The following ARHGAP18 variants were observed in gnomAD, a reference collection of about 807,000 sequenced individuals.
ARHGAP18 encodes the protein Rho GTPase activating protein 18, also known as rho GTPase-activating protein 18.
In ARHGAP18, 67 loss-of-function variants were observed where a neutral mutation model predicts 86.2. That is an observed-to-expected ratio of 0.78 (90% CI 0.64 to 0.95). The LOEUF (loss-of-function observed/expected upper bound fraction) is 0.95, where lower values mean the gene tolerates loss of function less well. Ranked by LOEUF, ARHGAP18 falls within the 40% of genes least tolerant of loss-of-function variation. The pLI, the probability that ARHGAP18 is intolerant of heterozygous loss-of-function variation, is 0.00. For synonymous variants in ARHGAP18, 283 were observed against 280.4 expected (o/e 1.01, Z -0.09); for missense variants, 691 against 780.4 (o/e 0.89, Z 1.37).
chr6:129,598,335 G>A (rs1788662115), intron 12 of ARHGAP18, among the ~76,000 whole-genome samples: 1 of 152,132 alleles, frequency 6.6e-6, no homozygotes, highest in Non-Finnish European at 1.5e-5. Context: ...ATAAATCTAA[G>A]AGAAAAACTT....
chr6:129,709,590 A>C (rs749538002), intron 1 of ARHGAP18, among the ~76,000 whole-genome samples: 89 of 152,354 alleles, frequency 5.8e-4, no homozygotes, highest in Middle Eastern at 3.4e-3. Context: ...ACACTCTAAC[A>C]ACAACAGCTT....
In ARHGAP18 at chr6:129,577,044, CA is replaced by C. The variant is rs1584013659; in HGVS notation, c.*1468del. 4 of 150,950 alleles carry C rather than the reference CA, an allele frequency of 2.6e-5. No homozygotes were observed. In the East Asian group the frequency reaches 7.8e-4, roughly 29 times the overall value. The allele number at this position is 150,950 out of a possible 1,614,324, so 9.4% of individuals were successfully genotyped here. ...TTTCTCAATATTAATAAAAAAAAAG[CA>C]AAAATACTCATAAACACATAGGATT... On this transcript the variant is annotated 3_prime_UTR_variant, in exon 15 of 15. Coordinates refer to ENST00000368149, the MANE Select transcript of ARHGAP18 (RefSeq NM_033515.3).
intron 1 of ARHGAP18, among the ~76,000 whole-genome samples, chr6:129,694,544 C>G (rs993938053): frequency 6.6e-6 from 1 of 152,218 alleles, no homozygotes; most frequent in African/African-American, 2.4e-5. Flanking sequence ...TACCAAGATA[C>G]TCAACCAGTT....
At chr6:129,609,099 T>C (rs1289525124) in intron 8 of ARHGAP18, among the ~76,000 whole-genome samples, 1 of 98,108 alleles carries the variant, frequency 1.0e-5, no homozygotes, top group African/African-American at 4.0e-5. Context: ...AGGGAAAGAA[T>C]GAGGGGGGAA....
At chr6:129,683,908 T>C (rs931456526) in intron 1 of ARHGAP18, among the ~76,000 whole-genome samples, 27 of 152,002 alleles carry the variant, frequency 1.8e-4, no homozygotes, top group Non-Finnish European at 2.8e-4. Flanking sequence ...AGAAAACACT[T>C]GGGAGAAAAT....
rs144708872 is a variant in ARHGAP18 at position 129,692,505 on chromosome 6, G to A, written c.113+17519C>T. On this transcript the variant is annotated intron_variant, in intron 1 of 14. Coordinates refer to ENST00000368149, the MANE Select transcript of ARHGAP18 (RefSeq NM_033515.3). Reference sequence around the variant, plus strand: ...GGTTAAACAGGCACAGAATTTTAGGGGATAAATATGAAAGCATACAGACAA... The same window carrying A: ...GGTTAAACAGGCACAGAATTTTAGGAGATAAATATGAAAGCATACAGACAA... 3.6e-3 allele frequency among the ~76,000 whole-genome samples: 545 copies of A among 152,224 alleles called. 2 individuals are homozygous for A. The highest frequency in any genetic ancestry group is 0.012 in the African/African-American group (510 of 41,530).
At chr6:129,692,004 C>T (rs892656644) in intron 1 of ARHGAP18, among the ~76,000 whole-genome samples, 1 of 152,236 alleles carries the variant, frequency 6.6e-6, no homozygotes, top group Non-Finnish European at 1.5e-5. Flanking sequence ...TTCCTCAGCA[C>T]TGACACAGCC....
chr6:129,610,235 C>T (rs947489064), intron 8 of ARHGAP18, among the ~76,000 whole-genome samples: 25 of 152,272 alleles, frequency 1.6e-4, no homozygotes, highest in Non-Finnish European at 2.2e-4. Context: ...AGTATGAGTC[C>T]CCTTTACATT....
At chr6:129,676,209 G>T (rs1774228358) in intron 1 of ARHGAP18, among the ~76,000 whole-genome samples, 1 of 152,188 alleles carries the variant, frequency 6.6e-6, no homozygotes, top group African/African-American at 2.4e-5. Context: ...TCCTTTAATA[G>T]ATGGGAAAGT....
intron 1 of ARHGAP18, among the ~76,000 whole-genome samples, chr6:129,689,281 T>C (rs1774484882): frequency 6.6e-6 from 1 of 152,162 alleles, no homozygotes; most frequent in South Asian, 2.1e-4. Flanking sequence ...TTTTTTTGGT[T>C]GCTTGGATGG....
intron 8 of ARHGAP18, 95 bp from the exon 9 acceptor site, chr6:129,608,147 A>G (rs1026101195): frequency 1.4e-6 from 2 of 1,389,226 alleles, no homozygotes; most frequent in African/African-American, 2.9e-5. Flanking sequence ...CACTTTCAAG[A>G]GACTCTGCTC....
At chr6:129,701,057 A>G (rs1024571342) in intron 1 of ARHGAP18, among the ~76,000 whole-genome samples, 16 of 152,120 alleles carry the variant, frequency 1.1e-4, no homozygotes, top group African/African-American at 3.9e-4. Flanking sequence ...ATCTGAGTAT[A>G]TAATAAAAAA....
intron 1 of ARHGAP18, among the ~76,000 whole-genome samples, chr6:129,696,864 T>A (rs1774625304): frequency 6.6e-6 from 1 of 152,136 alleles, no homozygotes; most frequent in South Asian, 2.1e-4. Context: ...TAGAATGACA[T>A]CTGGGTAGCT....
intron 4 of ARHGAP18, among the ~76,000 whole-genome samples, chr6:129,631,426 A>G (rs1348977253): frequency 2.6e-5 from 4 of 152,166 alleles, no homozygotes; most frequent in African/African-American, 7.2e-5. Flanking sequence ...AGTTCTAGTT[A>G]AAATAGAAAA....
chr6:129,696,651 TG>T (rs1774622311), intron 1 of ARHGAP18, among the ~76,000 whole-genome samples: 2 of 152,206 alleles, frequency 1.3e-5, no homozygotes, highest in Non-Finnish European at 2.9e-5. Flanking sequence ...GGCCCCTGCA[TG>T]AGGCATTTAT....
At chr6:129,709,970 C>T (rs1425489646) in intron 1 of ARHGAP18, 54 bp downstream of exon 1, 3 of 1,436,656 alleles carry the variant, frequency 2.1e-6, no homozygotes, top group Non-Finnish European at 9.8e-7. Flanking sequence ...CTGTCACTTT[C>T]TTCCTGGAGC....
intron 9 of ARHGAP18, among the ~76,000 whole-genome samples, chr6:129,606,377 C>A (rs1050223003): frequency 6.6e-6 from 1 of 152,092 alleles, no homozygotes; most frequent in African/African-American, 2.4e-5. Context: ...TGGTAAGAGT[C>A]CATCAGTTCC....
chr6:129,694,989 C>T (rs527463123), intron 1 of ARHGAP18, among the ~76,000 whole-genome samples: 2 of 152,268 alleles, frequency 1.3e-5, no homozygotes, highest in African/African-American at 2.4e-5. Flanking sequence ...TTAACAACTG[C>T]GACTATTACA....
rs751802275 is a variant in ARHGAP18, at chr6:129,616,256, G to C, written c.1000C>G (p.Gln334Glu). The change falls in exon 7 of 15, where the codon CAG (glutamine) becomes GAG (glutamate). Residue 334 changes from glutamine to glutamate, a missense_variant. Coordinates refer to ENST00000368149, the MANE Select transcript of ARHGAP18 (RefSeq NM_033515.3). ...ATTCGCATTCCTGGTACTTTCCTCTGATCTTGTTCTAATAGCGCTGTCAAT... is the reference window on the plus strand; with the variant it reads ...ATTCGCATTCCTGGTACTTTCCTCTCATCTTGTTCTAATAGCGCTGTCAAT... ...VPLTALLEQD[Q>E]RKVPGMRIPL... 2 of 1,611,458 alleles carry C rather than the reference G, an allele frequency of 1.2e-6. No homozygotes were observed. Among genetic ancestry groups the C allele is most frequent in the East Asian group, 4.5e-5 (2 of 44,808 alleles).
Sources: gnomAD v4.1 joint callset for allele counts (sites outside exome capture counted in the v4.1 genomes callset) on GRCh38, gnomAD v4.1.1 for gene constraint, MANE v1.5 for transcripts, NCBI Gene and HGNC (gene_info 2026-07-23, HGNC 2026-07-21) for gene names.